Variants in KCNIP4 observed in about 807,000 individuals in gnomAD.
KCNIP4 encodes potassium voltage-gated channel interacting protein 4, also known as Kv channel-interacting protein 4.
In KCNIP4, 12 loss-of-function variants were observed where a neutral mutation model predicts 34.0. The ratio of observed to expected loss-of-function variants is 0.35; its 90% confidence interval spans 0.23 to 0.57. The LOEUF (loss-of-function observed/expected upper bound fraction) is 0.57, where lower values mean the gene tolerates loss of function less well. KCNIP4 is among the 20% of genes least tolerant of loss of function. KCNIP4 has a pLI of 0.83. For synonymous variants in KCNIP4, 124 were observed against 102.2 expected (o/e 1.21, Z -1.29); for missense variants, 238 against 311.7 (o/e 0.76, Z 1.78).
At chr4:20,784,237 G>A (rs1336879916) in intron 3 of KCNIP4, among the ~76,000 whole-genome samples, 4 of 152,092 alleles carry the variant, frequency 2.6e-5, no homozygotes, top group African/African-American at 4.8e-5. Context: ...GAATTGAAAA[G>A]GCACATCACG....
chr4:21,845,887 T>A (rs181109181), intron 1 of KCNIP4: 1 of 152,228 alleles, frequency 6.6e-6, no homozygotes, highest in East Asian at 1.9e-4. Context: ...TTAGTAAGTA[T>A]CTGTTCAAAG....
At chr4:20,853,645 G>C (rs1231197035) in intron 2 of KCNIP4, among the ~76,000 whole-genome samples, 2 of 151,884 alleles carry the variant, frequency 1.3e-5, no homozygotes, top group African/African-American at 2.4e-5. Context: ...AAGATAAATA[G>C]CTGGGACCTC....
intron 1 of KCNIP4, among the ~76,000 whole-genome samples, chr4:21,727,030 T>G (rs1257296141): frequency 6.7e-6 from 1 of 149,270 alleles, no homozygotes; most frequent in Non-Finnish European, 1.5e-5. Context: ...TCTGATAACT[T>G]ATTTCTCAAA....
At chr4:21,804,846 C>T (rs1479696246) in intron 1 of KCNIP4, among the ~76,000 whole-genome samples, 3 of 152,134 alleles carry the variant, frequency 2.0e-5, no homozygotes, top group Non-Finnish European at 4.4e-5. Context: ...CACTGCCATT[C>T]CACTCACTAA....
intron 1 of KCNIP4, among the ~76,000 whole-genome samples, chr4:21,504,351 C>T (rs1251803944): frequency 6.6e-6 from 1 of 150,972 alleles, no homozygotes. Context: ...GCCTGTAATC[C>T]CAGCTACTGG....
intron 1 of KCNIP4, among the ~76,000 whole-genome samples, chr4:21,314,975 T>G (rs571340815): frequency 6.6e-6 from 1 of 152,332 alleles, no homozygotes; most frequent in South Asian, 2.1e-4. Flanking sequence ...CCACTACAGT[T>G]ATGGCTGATC....
Position 21,440,591 on chromosome 4 carries a change from T to C in KCNIP4, c.61+507980A>G, listed in dbSNP as rs562651569. On this transcript the variant is annotated intron_variant, in intron 1 of 8. Coordinates refer to ENST00000382152, the MANE Select transcript of KCNIP4 (RefSeq NM_025221.6). ...AGTGTTGACACTGCTAGGAAAAAAA[T>C]TGGGCGTCCGCCGGATGGAACTGTT... Among the ~76,000 whole-genome samples the C allele has an allele frequency of 3.9e-5, 6 of 152,322 alleles. No individual in the cohort carries two copies. The East Asian group carries it at 5.8e-4, about 15-fold the overall frequency.
At chr4:20,847,264 G>T (rs950687181) in intron 3 of KCNIP4, among the ~76,000 whole-genome samples, 4 of 152,164 alleles carry the variant, frequency 2.6e-5, no homozygotes, top group African/African-American at 9.7e-5. Context: ...AGAGGGAACT[G>T]CCCAAATGAG....
intron 1 of KCNIP4, among the ~76,000 whole-genome samples, chr4:21,092,032 C>T (rs1182778013): frequency 6.6e-6 from 1 of 152,098 alleles, no homozygotes; most frequent in Non-Finnish European, 1.5e-5. Context: ...ATGGCAGCAC[C>T]AAAATTCAAA....
intron 1 of KCNIP4, among the ~76,000 whole-genome samples, chr4:21,662,433 C>A (rs918141798): frequency 3.9e-5 from 6 of 152,174 alleles, no homozygotes; most frequent in African/African-American, 1.4e-4. Context: ...GAAAGATGGG[C>A]TACCATAACA....
chr4:21,808,933 T>C (rs1201757726), intron 1 of KCNIP4, among the ~76,000 whole-genome samples: 2 of 152,174 alleles, frequency 1.3e-5, no homozygotes, highest in Admixed American at 6.5e-5. Context: ...TGACACACCA[T>C]GCCAGGCTTC....
chr4:20,892,194 C>A, intron 1 of KCNIP4, among the ~76,000 whole-genome samples: 1 of 152,074 alleles, frequency 6.6e-6, no homozygotes, highest in East Asian at 1.9e-4. Flanking sequence ...TTTTGTTATG[C>A]TTGATTATAA....
chr4:20,877,607 A>C (rs563423475), intron 2 of KCNIP4, among the ~76,000 whole-genome samples: 2 of 152,164 alleles, frequency 1.3e-5, no homozygotes, highest in Non-Finnish European at 2.9e-5. Flanking sequence ...TATTATTACT[A>C]CTATTGTTAT....
chr4:21,264,556 G>A (rs914807252), intron 1 of KCNIP4, among the ~76,000 whole-genome samples: 3 of 152,104 alleles, frequency 2.0e-5, no homozygotes, highest in South Asian at 2.1e-4. Flanking sequence ...TGTGTAAAAT[G>A]AGGATGAAAA....
Position 20,919,378 on chromosome 4 carries a change from C to T in KCNIP4, c.62-36669G>A, listed in dbSNP as rs1355110806. Among the ~76,000 whole-genome samples the T allele has an allele frequency of 2.7e-5, 4 of 149,558 alleles. No individual in the cohort carries two copies. In the East Asian group the frequency reaches 8.0e-4, roughly 30 times the overall value. On this transcript the variant is annotated intron_variant, in intron 1 of 8. Transcript: ENST00000382152. ...CAGTTTGTTAGTAGAAGAGTCCTTT[C>T]TCTCTTCTTACTCTCATTTTTTCCA... is the stretch of plus-strand genomic sequence containing the variant.
At chr4:21,719,491 T>C (rs1212757609) in intron 1 of KCNIP4, among the ~76,000 whole-genome samples, 1 of 152,168 alleles carries the variant, frequency 6.6e-6, no homozygotes, top group East Asian at 1.9e-4. Context: ...AAGTTTTATG[T>C]TACCATCTCA....
intron 1 of KCNIP4, among the ~76,000 whole-genome samples, chr4:21,687,316 T>TAATA (rs1383549262): frequency 2.5e-5 from 3 of 121,138 alleles, no homozygotes; most frequent in African/African-American, 6.3e-5. Context: ...ACTTAAAGTA[T>TAATA]AAAAAAAAAA....
At chr4:21,792,000 CAAAAAAAAAAA>C (rs71193407) in intron 1 of KCNIP4, among the ~76,000 whole-genome samples, 26 of 59,750 alleles carry the variant, frequency 4.4e-4, no homozygotes, top group African/African-American at 1.9e-3. Context: ...GACTCCGTCT[CAAAAAAAAAAA>C]AAAAAAAAAA....
At chr4:21,492,169 A>C (rs1055350487) in intron 1 of KCNIP4, among the ~76,000 whole-genome samples, 33 of 152,188 alleles carry the variant, frequency 2.2e-4, no homozygotes, top group Non-Finnish European at 7.3e-5. Context: ...ATCTATTGAT[A>C]CAAGTCATTT....
Sources: gnomAD v4.1 joint callset for allele counts (sites outside exome capture counted in the v4.1 genomes callset) on GRCh38, gnomAD v4.1.1 for gene constraint, MANE v1.5 for transcripts, NCBI Gene and HGNC (gene_info 2026-07-23, HGNC 2026-07-21) for gene names.